The following RNF216 variants were observed in gnomAD, a reference collection of about 807,000 sequenced individuals.
RNF216 encodes the protein E3 ubiquitin-protein ligase RNF216.
Under a neutral mutation model 110.8 loss-of-function variants are expected in RNF216, and 72 were observed. That is an observed-to-expected ratio of 0.65 (90% CI 0.54 to 0.79). The LOEUF (loss-of-function observed/expected upper bound fraction) is 0.79. Among genes scored for constraint, RNF216 ranks in the 30% least tolerant of loss-of-function variants. The probability of loss-of-function intolerance (pLI) is 0.00; values close to 1 mark genes in which losing one functional copy is unlikely to be tolerated. For missense variants in RNF216, 1,342 were observed against 1,141.2 expected (o/e 1.18, Z -2.54); for synonymous variants, 495 against 407.5 (o/e 1.21, Z -2.59).
intron 1 of RNF216, among the ~76,000 whole-genome samples, chr7:5,776,503 G>A (rs1346008133): frequency 1.0e-4 from 15 of 148,660 alleles, no homozygotes; most frequent in African/African-American, 3.5e-4. Context: ...GCTGAGGCAG[G>A]AGAATGGCGA....
chr7:5,669,578 G>A (rs1163532660), intron 13 of RNF216, among the ~76,000 whole-genome samples: 1 of 152,196 alleles, frequency 6.6e-6, no homozygotes, highest in East Asian at 1.9e-4. Flanking sequence ...TATCAAATCT[G>A]CCAGATATCA....
At chr7:5,723,219 A>C (rs183921165) in intron 8 of RNF216, among the ~76,000 whole-genome samples, 2 of 152,334 alleles carry the variant, frequency 1.3e-5, no homozygotes, top group East Asian at 3.9e-4. Flanking sequence ...TAAGTGCTCA[A>C]TGTTAATTAC....
chr7:5,633,485 G>A (rs563645461), intron 15 of RNF216, among the ~76,000 whole-genome samples: 1 of 152,180 alleles, frequency 6.6e-6, no homozygotes, highest in East Asian at 2.0e-4. Flanking sequence ...TGAGGCAGGA[G>A]AATCACTTGA....
chr7:5,639,420 G>A (rs575184395), intron 15 of RNF216, among the ~76,000 whole-genome samples: 3 of 151,590 alleles, frequency 2.0e-5, no homozygotes, highest in Non-Finnish European at 4.4e-5. Flanking sequence ...TTTTTTTTGA[G>A]AACCCAAAGT....
intron 9 of RNF216, 52 bp downstream of exon 9, chr7:5,720,981 A>T: frequency 6.3e-7 from 1 of 1,593,178 alleles, no homozygotes; most frequent in Non-Finnish European, 8.6e-7. Flanking sequence ...AAACCCTAAG[A>T]GCAAACCAGA....
intron 15 of RNF216, among the ~76,000 whole-genome samples, chr7:5,637,623 T>C (rs1787472373): frequency 6.6e-6 from 1 of 152,176 alleles, no homozygotes; most frequent in African/African-American, 2.4e-5. Flanking sequence ...CAGGGCTCAC[T>C]GCATCCCTAA....
At chr7:5,722,491 C>T (rs539432195) in intron 8 of RNF216, among the ~76,000 whole-genome samples, 5 of 151,250 alleles carry the variant, frequency 3.3e-5, no homozygotes, top group African/African-American at 4.9e-5. Context: ...CCGGGGTTCA[C>T]GCCATTCTCC....
At chr7:5,623,306 G>T in intron 16 of RNF216, 127 bp from the exon 17 acceptor site, 1 of 724,978 alleles carries the variant, frequency 1.4e-6, no homozygotes, top group Non-Finnish European at 2.1e-6. Context: ...CACAAAACGT[G>T]GACACCTCCC....
chr7:5,757,710 T>C (rs1183991411), intron 2 of RNF216, among the ~76,000 whole-genome samples: 1 of 152,220 alleles, frequency 6.6e-6, no homozygotes, highest in East Asian at 1.9e-4. Flanking sequence ...ATTAGTGGTT[T>C]CCTTAGGCCT....
intron 1 of RNF216, among the ~76,000 whole-genome samples, chr7:5,766,635 G>C (rs1367599488): frequency 6.6e-6 from 1 of 152,298 alleles, no homozygotes; most frequent in South Asian, 2.1e-4. Flanking sequence ...CCAAATTCCA[G>C]AACTGTGAGA....
In RNF216 at chr7:5,712,695, C is replaced by A; in HGVS notation, c.1982+20G>T. 6.2e-7 allele frequency: 1 copy of A among 1,613,540 alleles called. No individual in the cohort carries two copies. Among genetic ancestry groups the A allele is most frequent in the Non-Finnish European group, 8.5e-7 (1 of 1,179,698 alleles). On this transcript the variant is annotated intron_variant, in intron 12 of 16. Transcript: ENST00000389902. The stretch of plus-strand genomic sequence containing the variant: ...AATGGGGAAGAGTTGGCAGATGGCA[C>A]GCTCTGCCTGAGAACGAACCTGACA...
chr7:5,776,042 TATCC>T (rs1186214523), intron 1 of RNF216, among the ~76,000 whole-genome samples: 1 of 152,162 alleles, frequency 6.6e-6, no homozygotes, highest in East Asian at 1.9e-4. Context: ...ATTCTTTGGA[TATCC>T]ATCCTTTTGT....
In RNF216 at chr7:5,725,440, T is replaced by C; in HGVS notation, c.1390-2A>G. 6.4e-7 allele frequency: 1 copy of C among 1,559,004 alleles called. No homozygotes were observed. Among genetic ancestry groups the C allele is most frequent in the Non-Finnish European group, 8.8e-7 (1 of 1,133,182 alleles). On this transcript the variant is annotated splice_acceptor_variant, in intron 7 of 16. Transcript: ENST00000389902. LOFTEE classifies it high-confidence loss of function. ...TTTTTTAATGGCATCAGACAAGGCC[T>C]AAAAATTGAGAAAAGGAAAGGTTCC... is the stretch of plus-strand genomic sequence containing the variant.
chr7:5,754,665 A>G (rs780033673), intron 2 of RNF216, among the ~76,000 whole-genome samples: 3 of 152,168 alleles, frequency 2.0e-5, no homozygotes, highest in Non-Finnish European at 2.9e-5. Context: ...CACCCGCAGG[A>G]AATTGTAGAT....
chr7:5,629,511 TTA>T (rs1232123712), intron 15 of RNF216, among the ~76,000 whole-genome samples: 2 of 151,942 alleles, frequency 1.3e-5, no homozygotes, highest in African/African-American at 4.8e-5. Context: ...ATGGCAAATT[TTA>T]TCTTATGCTT....
rs59390560 is a variant in RNF216 at position 5,759,633 on chromosome 7, C to CTTCTTTTTTTT, written c.67+1369_67+1370insAAAAAAAAGAA. On this transcript the variant is annotated intron_variant, in intron 2 of 16. Transcript: ENST00000389902. Reference sequence around the variant, plus strand: ...AAGTTTTGGTGGAGTCATTTTTCTTCTTTTTTTTTTTTTTTTGAGACGGAG... The same window carrying CTTCTTTTTTTT: ...AAGTTTTGGTGGAGTCATTTTTCTTCTTCTTTTTTTTTTTTTTTTTTTTTTTTGAGACGGAG... Among the ~76,000 whole-genome samples the CTTCTTTTTTTT allele has an allele frequency of 2.2e-4, 29 of 131,150 alleles. 1 individual carries two copies. Among genetic ancestry groups the CTTCTTTTTTTT allele is most frequent in the East Asian group, 9.1e-4 (4 of 4,374 alleles). The allele number at this position is 131,150 out of a possible 152,430, so 86.0% of individuals were successfully genotyped here. A position where few individuals can be genotyped will look rare whatever the true frequency, so the allele number is the denominator to read the frequency against.
intron 5 of RNF216, among the ~76,000 whole-genome samples, chr7:5,731,072 G>T (rs1386552388): frequency 6.6e-6 from 1 of 152,178 alleles, no homozygotes; most frequent in South Asian, 2.1e-4. Context: ...TGAAGTTTAT[G>T]TATCAATTGG....
At chr7:5,632,597 C>A (rs568068274) in intron 15 of RNF216, among the ~76,000 whole-genome samples, 1 of 152,086 alleles carries the variant, frequency 6.6e-6, no homozygotes, top group Non-Finnish European at 1.5e-5. Flanking sequence ...GCCAACATGG[C>A]GAAACCCCAT....
chr7:5,627,722 G>A (rs1786799016), intron 15 of RNF216, among the ~76,000 whole-genome samples: 1 of 151,664 alleles, frequency 6.6e-6, no homozygotes, highest in African/African-American at 2.4e-5. Flanking sequence ...ACTCCAGCCT[G>A]GCGACAGAGG....
Sources: allele counts gnomAD v4.1 joint callset (sites outside exome capture counted in the v4.1 genomes callset), GRCh38; gene constraint gnomAD v4.1.1; transcripts MANE v1.5; gene names NCBI Gene and HGNC (gene_info 2026-07-23, HGNC 2026-07-21).